OPCML: variants seen among roughly 807,000 people sequenced by gnomAD.
OPCML encodes the protein opioid-binding protein/cell adhesion molecule.
A neutral mutation model predicts 37.8 loss-of-function variants in OPCML; 13 were observed. That is an observed-to-expected ratio of 0.34 (90% CI 0.22 to 0.55). OPCML has a LOEUF of 0.55. Among genes scored for constraint, OPCML ranks in the 20% least tolerant of loss-of-function variants. The pLI, the probability that OPCML is intolerant of heterozygous loss-of-function variation, is 0.91. For synonymous variants in OPCML, 176 were observed against 168.8 expected (o/e 1.04, Z -0.33); for missense variants, 341 against 435.6 (o/e 0.78, Z 1.93).
At chr11:133,127,406 G>C (rs893373193) in intron 1 of OPCML, among the ~76,000 whole-genome samples, 10 of 152,090 alleles carry the variant, frequency 6.6e-5, no homozygotes, top group African/African-American at 2.4e-4. Flanking sequence ...GGCTGAAGCA[G>C]GAGCATCGCT....
chr11:133,370,828 T>C (rs1944659092), intron 1 of OPCML, among the ~76,000 whole-genome samples: 1 of 152,168 alleles, frequency 6.6e-6, no homozygotes, highest in African/African-American at 2.4e-5. Context: ...AATGGGACTA[T>C]ATTAAACTAA....
intron 2 of OPCML, among the ~76,000 whole-genome samples, chr11:132,678,587 T>G (rs1009790770): frequency 6.6e-6 from 1 of 152,174 alleles, no homozygotes; most frequent in African/African-American, 2.4e-5. Context: ...CAAAAAGACA[T>G]GTTGGTAACT....
intron 1 of OPCML, among the ~76,000 whole-genome samples, chr11:133,312,650 C>T (rs1943092528): frequency 6.6e-6 from 1 of 152,200 alleles, no homozygotes; most frequent in African/African-American, 2.4e-5. Context: ...AGATTGAATA[C>T]TAAAGGGCTT....
intron 2 of OPCML, among the ~76,000 whole-genome samples, chr11:132,855,171 C>T (rs1387648165): frequency 6.6e-6 from 1 of 152,086 alleles, no homozygotes; most frequent in African/African-American, 2.4e-5. Context: ...ATTATAGAAC[C>T]TAAGATTGGT....
intron 2 of OPCML, among the ~76,000 whole-genome samples, chr11:132,916,528 A>T (rs61906927): frequency 0.12 from 17,612 of 152,206 alleles, 1,219 homozygotes; most frequent in East Asian, 0.33. Flanking sequence ...CACAATCTGA[A>T]TATCCCAGAC....
intron 2 of OPCML, among the ~76,000 whole-genome samples, chr11:132,900,301 A>T (rs1357013549): frequency 6.6e-6 from 1 of 151,878 alleles, no homozygotes; most frequent in Non-Finnish European, 1.5e-5. Context: ...CCTTGATATC[A>T]CTCTTTTCTT....
chr11:133,471,069 A>T (rs1300585376), intron 1 of OPCML, among the ~76,000 whole-genome samples: 1 of 152,192 alleles, frequency 6.6e-6, no homozygotes, highest in Non-Finnish European at 1.5e-5. Context: ...CCTGTCCTTG[A>T]AGACATCAGT....
At chr11:132,932,851 G>T (rs1048362865) in intron 2 of OPCML, among the ~76,000 whole-genome samples, 1 of 151,800 alleles carries the variant, frequency 6.6e-6, no homozygotes. Flanking sequence ...CAGTGAAGTG[G>T]ATATCTATTC....
chr11:132,811,877 G>T (rs754577954), intron 2 of OPCML, among the ~76,000 whole-genome samples: 1 of 152,186 alleles, frequency 6.6e-6, no homozygotes, highest in African/African-American at 2.4e-5. Flanking sequence ...ACGGATTAGA[G>T]CATCAGCTTG....
chr11:132,645,464 T>C (rs1260004305), intron 3 of OPCML, among the ~76,000 whole-genome samples: 2 of 152,264 alleles, frequency 1.3e-5, no homozygotes, highest in African/African-American at 4.8e-5. Flanking sequence ...ACCTTTTATA[T>C]GAATTTGTGA....
At chr11:132,425,694 A>G (rs1231332933) in intron 7 of OPCML, among the ~76,000 whole-genome samples, 1 of 152,188 alleles carries the variant, frequency 6.6e-6, no homozygotes, top group Non-Finnish European at 1.5e-5. Context: ...TAGGTTCTCA[A>G]AGGTTACTCT....
At chr11:133,495,518 C>T (rs1175917248) in intron 1 of OPCML, among the ~76,000 whole-genome samples, 1 of 152,158 alleles carries the variant, frequency 6.6e-6, no homozygotes, top group African/African-American at 2.4e-5. Context: ...ACTTTCCCAC[C>T]AGCAGTGGAG....
At chr11:132,845,401 A>G (rs1190475254) in intron 2 of OPCML, among the ~76,000 whole-genome samples, 1 of 152,188 alleles carries the variant, frequency 6.6e-6, no homozygotes, top group Admixed American at 6.5e-5. Flanking sequence ...ACAAAGCACC[A>G]CATTTCAAAC....
intron 2 of OPCML, among the ~76,000 whole-genome samples, chr11:132,731,528 T>G (rs558197946): frequency 3.7e-4 from 57 of 152,354 alleles, no homozygotes; most frequent in African/African-American, 1.3e-3. Context: ...TGTTAACTCA[T>G]CCACTAAAAT....
At chr11:133,292,261 G>A (rs977521180) in intron 1 of OPCML, among the ~76,000 whole-genome samples, 3 of 151,974 alleles carry the variant, frequency 2.0e-5, no homozygotes, top group African/African-American at 7.3e-5. Context: ...GAGTAATAAT[G>A]CCTTTTCCAG....
chr11:132,639,359 A>T (rs1940708106), intron 3 of OPCML, among the ~76,000 whole-genome samples: 1 of 152,194 alleles, frequency 6.6e-6, no homozygotes, highest in Non-Finnish European at 1.5e-5. Flanking sequence ...TCTTCACCTA[A>T]CTATGTGCAA....
chr11:133,020,360 C>T (rs944294655), intron 1 of OPCML, among the ~76,000 whole-genome samples: 8 of 152,316 alleles, frequency 5.3e-5, no homozygotes, highest in South Asian at 2.1e-4. Context: ...CCCACAGACA[C>T]GCTGCATGGC....
At chr11:133,499,820 A>G (rs1164392379) in intron 1 of OPCML, among the ~76,000 whole-genome samples, 1 of 142,516 alleles carries the variant, frequency 7.0e-6, no homozygotes, top group African/African-American at 2.7e-5. Flanking sequence ...ATATATATAT[A>G]CACACATATA....
chr11:132,476,159 C>T, intron 4 of OPCML, among the ~76,000 whole-genome samples: 1 of 152,280 alleles, frequency 6.6e-6, no homozygotes, highest in African/African-American at 2.4e-5. Flanking sequence ...TCTTGAAGTT[C>T]AAAAAATCTT....
Sources: gnomAD v4.1 joint callset for allele counts (sites outside exome capture counted in the v4.1 genomes callset) on GRCh38, gnomAD v4.1.1 for gene constraint, MANE v1.5 for transcripts, NCBI Gene and HGNC (gene_info 2026-07-23, HGNC 2026-07-21) for gene names.